WRAP53: variants seen among roughly 807,000 people sequenced by gnomAD.
The protein encoded by WRAP53 is WD repeat containing antisense to TP53, also known as telomerase Cajal body protein 1.
In WRAP53, 28 loss-of-function variants were observed where a neutral mutation model predicts 56.6. The ratio of observed to expected loss-of-function variants is 0.50; its 90% CI spans 0.37 to 0.68. WRAP53 has a LOEUF of 0.68. Ranked by LOEUF, WRAP53 falls within the 30% of genes least tolerant of loss-of-function variation. WRAP53 has a pLI of 0.00. For missense variants in WRAP53, 671 were observed against 715.5 expected, an observed-to-expected ratio of 0.94 and a Z score of 0.71; for synonymous variants, 283 against 283.4, an observed-to-expected ratio of 1.00 and a Z score of 0.01.
chr17:7,699,514 ATATATATT>A (rs1199676723), intron 4 of WRAP53, among the ~76,000 whole-genome samples: 429 of 25,214 alleles, frequency 0.017, 48 homozygotes, highest in East Asian at 0.071. Flanking sequence ...ATATATATAT[ATATATATT>A]TATATATATA....
rs2074290959 is a variant in WRAP53 at position 7,702,647 on chromosome 17, A to G, written c.1164+95A>G. The G allele has an allele frequency of 6.3e-7, 1 of 1,597,248 alleles. No individual in the cohort carries two copies. Among genetic ancestry groups the G allele is most frequent in the Non-Finnish European group, 8.5e-7 (1 of 1,174,858 alleles). ...GTAGGGGAATGGGTGGGGATGGGGA[A>G]AAAATCCCAAGCTGAAGGAGTGCCT... On this transcript the variant is annotated intron_variant, in intron 8 of 10. Transcript: ENST00000396463. The surrounding 1 kb of genome is among the most constrained non-coding windows in gnomAD (Gnocchi z 5.0).
chr17:7,687,923 A>G (rs1057115920), upstream of WRAP53: 3 of 270,556 alleles, frequency 1.1e-5, no homozygotes, highest in African/African-American at 6.6e-5. Flanking sequence ...ACTTTATATC[A>G]CACCATCTTA....
intron 4 of WRAP53, 145 bp from the exon 5 acceptor site, chr17:7,700,596 C>A: frequency 1.4e-6 from 1 of 707,708 alleles, no homozygotes. Flanking sequence ...CTAAATTTGA[C>A]ATTAAAGTCT....
At position 7,699,525 on chromosome 17, in the gene WRAP53, T is replaced by TAA. The variant is rs1476112367; in HGVS notation, c.643-1215_643-1214insAA. 1.0e-4 allele frequency among the ~76,000 whole-genome samples: 6 copies of TAA among 58,582 alleles called. 1 individual carries two copies. Among genetic ancestry groups the TAA allele is most frequent in the Non-Finnish European group, 1.9e-4 (6 of 32,000 alleles). 38.4% of individuals were successfully genotyped at this position (58,582 alleles called of 152,430 possible). ...ATTTATATATATATATATATATTTA[T>TAA]ATATATATATATATTCCTAAGGAAA... On this transcript the variant is annotated intron_variant, in intron 4 of 10. Transcript: ENST00000396463.
chr17:7,701,559 G>T lies in WRAP53; in HGVS notation c.822+10G>T. 1 of 1,614,222 alleles carries T rather than the reference G, an allele frequency of 6.2e-7. No individual in the cohort carries two copies. Among genetic ancestry groups the T allele is most frequent in the Non-Finnish European group, 8.5e-7 (1 of 1,180,040 alleles). ...CGCCTACAACCACCTGGTAGGGACCGCCATACTCAGCCCCAGCACTCGTAC... is the reference window on the plus strand; with the variant it reads ...CGCCTACAACCACCTGGTAGGGACCTCCATACTCAGCCCCAGCACTCGTAC... On this transcript the variant is annotated intron_variant, in intron 6 of 10. Transcript: ENST00000396463. This position sits in a 1 kb window ranked among gnomAD's most constrained non-coding sequence, Gnocchi z 4.2.
At chr17:7,692,489 C>T (rs2074124740) in intron 4 of WRAP53, among the ~76,000 whole-genome samples, 1 of 151,014 alleles carries the variant, frequency 6.6e-6, no homozygotes, top group African/African-American at 2.4e-5. Flanking sequence ...GGCGTGGTGG[C>T]GGGCGCCTGT....
intron 4 of WRAP53, among the ~76,000 whole-genome samples, chr17:7,689,911 A>T (rs947299037): frequency 3.3e-5 from 5 of 152,168 alleles, no homozygotes; most frequent in Non-Finnish European, 7.3e-5. Flanking sequence ...GTTTTTTGCT[A>T]AAAAGTAGTG....
At chr17:7,689,138 G>C in intron 2 of WRAP53, 59 bp downstream of exon 2, 1 of 1,613,836 alleles carries the variant, frequency 6.2e-7, no homozygotes, top group Non-Finnish European at 8.5e-7. Flanking sequence ...AGGTCGATCT[G>C]TCCTCTGGTC....
chr17:7,699,819 C>G lies in WRAP53; in HGVS notation c.643-922C>G, dbSNP rs564236235. On this transcript the variant is annotated intron_variant, in intron 4 of 10. Transcript: ENST00000396463. ...CAATGATCTCAGCTCACTGTGGTCT[C>G]TATCTCCTGGGCTCAAGCAATTCTC... 2.0e-5 allele frequency among the ~76,000 whole-genome samples: 3 copies of G among 151,078 alleles called. No homozygotes were observed. In the East Asian group the frequency reaches 5.9e-4, roughly 29 times the overall value.
chr17:7,699,518 ATATT>A (rs1383663899), intron 4 of WRAP53, among the ~76,000 whole-genome samples: 5,137 of 28,754 alleles, frequency 0.18, 944 homozygotes, highest in East Asian at 0.4. Context: ...ATATATATAT[ATATT>A]TATATATATA....
chr17:7,695,917 C>T (rs1406284531), intron 4 of WRAP53, among the ~76,000 whole-genome samples: 3 of 152,114 alleles, frequency 2.0e-5, no homozygotes, highest in Non-Finnish European at 4.4e-5. Flanking sequence ...CCTCCTTTTG[C>T]TCATTAAAAC....
At chr17:7,687,419 C>T (rs1044886073), upstream of WRAP53, 10 of 398,568 alleles carry the variant, frequency 2.5e-5, no homozygotes, top group African/African-American at 1.9e-4. Context: ...AGCACGCTCC[C>T]AGCCCGAACG....
upstream of WRAP53, chr17:7,688,399 G>A (rs2074047878): frequency 4.5e-5 from 25 of 555,350 alleles, no homozygotes; most frequent in South Asian, 5.4e-4. Context: ...GATCCGGGAT[G>A]CGGCGGCCCA....
intron 4 of WRAP53, among the ~76,000 whole-genome samples, chr17:7,693,381 C>T (rs1299165022): frequency 6.6e-6 from 1 of 152,060 alleles, no homozygotes; most frequent in Non-Finnish European, 1.5e-5. Context: ...TATAATAGCA[C>T]CTGCCTCACA....
rs777880143 is a variant in WRAP53, at chr17:7,703,323, G to C, written c.1484G>C (p.Gly495Ala). 35 of 1,614,024 alleles carry C rather than the reference G, an allele frequency of 2.2e-5. No homozygotes were observed. In the South Asian group the frequency reaches 3.4e-4, roughly 16 times the overall value. Residue 495 changes from glycine (G) to alanine (A), a missense_variant, in exon 11 of 11, where the codon GGA (glycine) becomes GCA (alanine). This residue lies in a region of WRAP53 where 107 missense variants were observed against 81.3 expected (regional missense o/e 1.32). Transcript: ENST00000396463. ...FPEPTESGDE[G>A]EELGLPLLST... Reference sequence around the variant, plus strand: ...GAGCCCACAGAGAGTGGGGACGAAGGAGAGGAGCTGGGCCTTCCCTTGCTC... The same window carrying C: ...GAGCCCACAGAGAGTGGGGACGAAGCAGAGGAGCTGGGCCTTCCCTTGCTC...
At position 7,702,011 on chromosome 17, in the gene WRAP53, T is replaced by G; in HGVS notation, c.955+222T>G. The G allele has an allele frequency of 1.3e-6, 1 of 768,752 alleles. No homozygotes were observed. Among genetic ancestry groups the G allele is most frequent in the African/African-American group, 1.7e-5 (1 of 58,572 alleles). 47.6% of individuals were successfully genotyped at this position (768,752 alleles called of 1,614,324 possible). A position where few individuals can be genotyped will look rare whatever the true frequency, so the allele number is the denominator to read the frequency against. On this transcript the variant is annotated intron_variant, in intron 7 of 10. Coordinates refer to ENST00000396463, the MANE Select transcript of WRAP53 (RefSeq NM_001143992.2). This position sits in a 1 kb window ranked among gnomAD's most constrained non-coding sequence, Gnocchi z 5.0. ...TCAAAGGACTGCTTCCTTCCTGAAC[T>G]CATACCCTGTCAGCTGTGGAGCTTT...
chr17:7,687,215 C>T (rs1342939236), upstream of WRAP53: 1 of 397,646 alleles, frequency 2.5e-6, no homozygotes, highest in Non-Finnish European at 4.4e-6. Context: ...AATGCAACTC[C>T]TATGATGATC....
chr17:7,699,031 C>G (rs375351174), intron 4 of WRAP53, among the ~76,000 whole-genome samples: 1 of 151,708 alleles, frequency 6.6e-6, no homozygotes, highest in East Asian at 1.9e-4. Context: ...GTGCTCCAGC[C>G]TAGGCAACAG....
chr17:7,687,565 T>G (rs751266961), upstream of WRAP53: 3 of 398,564 alleles, frequency 7.5e-6, no homozygotes, highest in African/African-American at 6.2e-5. Context: ...CCTGCGAGGC[T>G]CCTGGCACAA....
Sources: gnomAD v4.1 joint callset for allele counts (sites outside exome capture counted in the v4.1 genomes callset) on GRCh38, gnomAD v4.1.1 for gene constraint, gnomAD v4.1.1 regional missense constraint, Gnocchi (gnomAD v3.1) non-coding constraint, MANE v1.5 for transcripts, NCBI Gene and HGNC (gene_info 2026-07-23, HGNC 2026-07-21) for gene names.